The following NR4A3 variants were observed in gnomAD, a reference collection of about 807,000 sequenced individuals.
NR4A3 encodes the protein nuclear receptor subfamily 4 group A member 3.
Under a neutral mutation model 55.6 loss-of-function variants are expected in NR4A3, and 13 were observed. The observed-to-expected ratio is 0.23, with a 90% CI of 0.15 to 0.37. The LOEUF is 0.37. NR4A3 is among the 10% of genes least tolerant of loss of function. The pLI, the probability that NR4A3 is intolerant of heterozygous loss-of-function variation, is 1.00. For missense variants in NR4A3, 646 were observed against 822.8 expected (o/e 0.79, Z 2.63); for synonymous variants, 342 against 357.9 (o/e 0.96, Z 0.50).
intron 7 of NR4A3, among the ~76,000 whole-genome samples, chr9:99,859,290 G>A (rs983407228): frequency 1.3e-5 from 2 of 152,154 alleles, no homozygotes; most frequent in Non-Finnish European, 2.9e-5. Context: ...CCGTAGCCAT[G>A]TTTACCAAGC....
intron 7 of NR4A3, among the ~76,000 whole-genome samples, chr9:99,862,556 AAAAAAAAAAAAAAAAAAAAAAAAAAAAG>A (rs1383298084): frequency 2.2e-4 from 7 of 31,196 alleles, no homozygotes; most frequent in African/African-American, 7.2e-4. Context: ...TCTCAAAAAA[AAAAAAAAAAAAAAAAAAAAAAAAAAAAG>A]AGAGAGAAAT....
intron 5 of NR4A3, among the ~76,000 whole-genome samples, chr9:99,843,168 A>C (rs1353747092): frequency 6.6e-6 from 1 of 152,146 alleles, no homozygotes; most frequent in African/African-American, 2.4e-5. Flanking sequence ...TCCTACTTAT[A>C]TCGTTCTGCT....
rs1297790046 is a variant in NR4A3 at position 99,835,646 on chromosome 9, A to AT, written c.1254+2198dup. Among the ~76,000 whole-genome samples the AT allele has an allele frequency of 6.6e-5, 10 of 152,284 alleles. No individual in the cohort carries two copies. In the East Asian group the frequency reaches 1.9e-3, roughly 29 times the overall value. ...ACAGATAATTTAGGCCTCAAAAGTA[A>AT]TTTTTTGGCCCCAAATTATCCAATT... is the stretch of plus-strand genomic sequence containing the variant. On this transcript the variant is annotated intron_variant, in intron 5 of 7. Coordinates refer to ENST00000395097, the MANE Select transcript of NR4A3 (RefSeq NM_006981.4).
At chr9:99,836,448 T>A (rs552799970) in intron 5 of NR4A3, among the ~76,000 whole-genome samples, 2 of 152,200 alleles carry the variant, frequency 1.3e-5, no homozygotes, top group South Asian at 4.1e-4. Flanking sequence ...AAGTTGATGA[T>A]GGTTGCATGG....
At chr9:99,833,726 A>G (rs1827493680) in intron 5 of NR4A3, 1 of 1,482,696 alleles carries the variant, frequency 6.7e-7, no homozygotes, top group Non-Finnish European at 9.0e-7. Context: ...GGTTGTGCCA[A>G]TGAAAATCTG....
rs1045360712 is a variant in NR4A3, at chr9:99,822,017, C to G, written c.-567C>G. 2 of 152,882 alleles carry G rather than the reference C, an allele frequency of 1.3e-5. No individual in the cohort carries two copies. The highest frequency in any genetic ancestry group is 4.8e-5 in the African/African-American group (2 of 41,328). The allele number at this position is 152,882 out of a possible 1,614,324, so 9.5% of individuals were successfully genotyped here. On this transcript the variant is annotated 5_prime_UTR_variant, in exon 1 of 8. Transcript: ENST00000395097. The surrounding 1 kb of genome is among the most constrained non-coding windows in gnomAD (Gnocchi z 4.9). ...GCACACACAGACACAAGCGCGCACA[C>G]AGGCTCCGCACACACACTTCGCTCT...
Position 99,852,255 on chromosome 9 carries a change from G to T in NR4A3, c.1633+4640G>T, listed in dbSNP as rs1360036349. Among the ~76,000 whole-genome samples the T allele has an allele frequency of 2.6e-5, 4 of 152,240 alleles. No individual in the cohort carries two copies. The East Asian group carries it at 5.8e-4, about 22-fold the overall frequency. On this transcript the variant is annotated intron_variant, in intron 7 of 7. Coordinates refer to ENST00000395097, the MANE Select transcript of NR4A3 (RefSeq NM_006981.4). Reference sequence around the variant, plus strand: ...GTTGAATGCCTCAGTACAGTTTAGGGTTAAAACAATTACAGTGGAGTTGCA... The same window carrying T: ...GTTGAATGCCTCAGTACAGTTTAGGTTTAAAACAATTACAGTGGAGTTGCA...
chr9:99,833,450 C>A lies in NR4A3; in HGVS notation c.1250C>A (p.Ser417Tyr). The part of the protein sequence containing the change: ...TDSTPRDLDY[S>Y]RYCPTDQAAA... ...TCAACACCCAGAGATCTTGATTATT[C>A]CAGAGTAAGTTTTATGATTTCCTGC... is the stretch of plus-strand genomic sequence containing the variant. The change falls in exon 5 of 8, where the codon TCC (serine) becomes TAC (tyrosine). Residue 417 changes from serine (S) to tyrosine (Y), a missense_variant. By Grantham distance (144) the Ser-to-Tyr change is moderately radical (BLOSUM62 -2). Coordinates refer to ENST00000395097, the MANE Select transcript of NR4A3 (RefSeq NM_006981.4). 3 of 1,613,990 alleles carry A rather than the reference C, an allele frequency of 1.9e-6. No individual in the cohort carries two copies. Among genetic ancestry groups the A allele is most frequent in the Non-Finnish European group, 2.5e-6 (3 of 1,179,904 alleles).
chr9:99,861,137 T>C (rs1022404172), intron 7 of NR4A3, among the ~76,000 whole-genome samples: 1 of 152,220 alleles, frequency 6.6e-6, no homozygotes, highest in Non-Finnish European at 1.5e-5. Context: ...CCCATCTCTT[T>C]ATAGCATATT....
chr9:99,853,321 C>CTTTT (rs71370971), intron 7 of NR4A3, among the ~76,000 whole-genome samples: 832 of 122,236 alleles, frequency 6.8e-3, no homozygotes, highest in Middle Eastern at 0.017. Flanking sequence ...TAGGGAATTT[C>CTTTT]TTTTTTTTTT....
Position 99,844,644 on chromosome 9 carries a change from T to G in NR4A3, c.1255-5T>G. ...TAATGCTGCTCTCTCTGGTTTGCAT[T>G]CTAGTACTGTCCCACTGACCAGGCT... On this transcript the variant is annotated splice_region_variant and splice_polypyrimidine_tract_variant and intron_variant, in intron 5 of 7. Coordinates refer to ENST00000395097, the MANE Select transcript of NR4A3 (RefSeq NM_006981.4). 6.2e-7 allele frequency: 1 copy of G among 1,613,900 alleles called. No individual in the cohort carries two copies. The highest frequency in any genetic ancestry group is 1.3e-5 in the African/African-American group (1 of 75,052).
In NR4A3 at chr9:99,828,479, C is replaced by T. The variant is rs1434689406; in HGVS notation, c.437C>T (p.Pro146Leu). Reference sequence around the variant, plus strand: ...TCCCCACCGTCCACCCCCACCACGCCGGCCTTCCCCCCGCAGGCGGGGGCG... The same window carrying T: ...TCCCCACCGTCCACCCCCACCACGCTGGCCTTCCCCCCGCAGGCGGGGGCG... Reference protein sequence around the residue: ...KQSPPSTPTTPAFPPQAGALW... With the variant: ...KQSPPSTPTTLAFPPQAGALW... The change falls in exon 3 of 8, where the codon CCG becomes CTG. Residue 146 changes from proline to leucine, a missense_variant. Pro to Leu is a moderately conservative substitution (Grantham distance 98). Transcript: ENST00000395097. The surrounding 1 kb of genome is among the most constrained non-coding windows in gnomAD (Gnocchi z 7.7). 6.3e-7 allele frequency: 1 copy of T among 1,577,040 alleles called. No homozygotes were observed. Among genetic ancestry groups the T allele is most frequent in the Non-Finnish European group, 8.6e-7 (1 of 1,163,236 alleles).
At chr9:99,839,586 T>G (rs993071293) in intron 5 of NR4A3, among the ~76,000 whole-genome samples, 2 of 152,218 alleles carry the variant, frequency 1.3e-5, no homozygotes, top group Non-Finnish European at 2.9e-5. Flanking sequence ...CCATTTTAGT[T>G]TACATAATAT....
chr9:99,829,126 T>G, intron 3 of NR4A3, 133 bp downstream of exon 3: 2 of 1,073,274 alleles, frequency 1.9e-6, no homozygotes, highest in Non-Finnish European at 2.4e-6. Flanking sequence ...CCTACAGCCC[T>G]TCCTAGCACC....
At chr9:99,862,506 C>T (rs1272268068) in intron 7 of NR4A3, among the ~76,000 whole-genome samples, 2 of 136,728 alleles carry the variant, frequency 1.5e-5, no homozygotes, top group Admixed American at 1.6e-4. Context: ...GCCAAGATCG[C>T]ACCACTGCAC....
chr9:99,864,678 C>G lies in NR4A3; in HGVS notation c.*811C>G, dbSNP rs1364594292. 2 of 228,116 alleles carry G rather than the reference C, an allele frequency of 8.8e-6. No homozygotes were observed. The highest frequency in any genetic ancestry group is 1.7e-5 in the Non-Finnish European group (2 of 114,564). The allele number at this position is 228,116 out of a possible 1,614,324, so 14.1% of individuals were successfully genotyped here. On this transcript the variant is annotated 3_prime_UTR_variant, in exon 8 of 8. Transcript: ENST00000395097. ...TTCTTGATGGAACCAGATCCCTGCCCTGACTGTCCAGCTATCCTGAAAGTG... is the reference window on the plus strand; with the variant it reads ...TTCTTGATGGAACCAGATCCCTGCCGTGACTGTCCAGCTATCCTGAAAGTG...
rs2118120876 is a variant in NR4A3 at position 99,847,596 on chromosome 9, A to G, written c.1614A>G (p.Ser538=). 1.9e-6 allele frequency: 3 copies of G among 1,614,146 alleles called. No individual in the cohort carries two copies. The East Asian group carries it at 6.7e-5, about 36-fold the overall frequency. The part of the protein sequence containing the change: ...NLDIQALACL[S]ALSMITERHG... ...ATATCCAAGCCTTAGCCTGCCTGTC[A>G]GCACTGAGCATGATCACAGGTAAGC... is the stretch of plus-strand genomic sequence containing the variant. Residue 538 remains serine, a synonymous_variant, in exon 7 of 8, where the codon TCA becomes TCG. Coordinates refer to ENST00000395097, the MANE Select transcript of NR4A3 (RefSeq NM_006981.4).
chr9:99,847,692 T>C (rs1827778690), intron 7 of NR4A3, 77 bp downstream of exon 7: 9 of 1,352,572 alleles, frequency 6.7e-6, no homozygotes, highest in South Asian at 1.3e-5. Flanking sequence ...CCTTGACCAC[T>C]ACACACACCA....
chr9:99,838,760 T>C (rs1027075281), intron 5 of NR4A3, among the ~76,000 whole-genome samples: 2 of 152,188 alleles, frequency 1.3e-5, no homozygotes, highest in African/African-American at 4.8e-5. Context: ...CACTCAGACA[T>C]ACTGAATCAG....
Sources: allele counts gnomAD v4.1 joint callset (sites outside exome capture counted in the v4.1 genomes callset), GRCh38; gene constraint gnomAD v4.1.1; non-coding constraint Gnocchi (gnomAD v3.1); transcripts MANE v1.5; gene names NCBI Gene and HGNC (gene_info 2026-07-23, HGNC 2026-07-21).